Variants in SLC12A7 observed in about 807,000 individuals in gnomAD.
The protein encoded by SLC12A7 is K-Cl cotransporter 4.
In SLC12A7, 100 loss-of-function variants were observed where a neutral mutation model predicts 120.6. The ratio of observed to expected loss-of-function variants is 0.83; its 90% CI spans 0.71 to 0.98. SLC12A7 has a LOEUF of 0.98. Ranked by LOEUF, SLC12A7 falls within the 50% of genes least tolerant of loss-of-function variation. The pLI is 0.00. For missense variants in SLC12A7, 1,373 were observed against 1,548.1 expected, an observed-to-expected ratio of 0.89 and a Z score of 1.90; for synonymous variants, 760 against 678.0, an observed-to-expected ratio of 1.12 and a Z score of -1.88.
the SLC12A7 span, among the ~76,000 whole-genome samples, chr5:1,154,275 G>T: frequency 4.0e-5 from 6 of 150,858 alleles, no homozygotes; most frequent in African/African-American, 1.2e-4. Flanking sequence ...GCACTGAGCC[G>T]AATCCAACTG....
chr5:1,093,720 C>T, intron 2 of SLC12A7, 65 bp from the exon 3 acceptor site: 7 of 1,599,170 alleles, frequency 4.4e-6, no homozygotes, highest in Non-Finnish European at 5.1e-6. Flanking sequence ...ACCTCCCTCC[C>T]CGTGTTCAGG....
chr5:1,081,103 G>A (rs115927896), intron 9 of SLC12A7, among the ~76,000 whole-genome samples: 382 of 18,576 alleles, frequency 0.021, 1 homozygote, highest in African/African-American at 0.022. Flanking sequence ...GAAAAGGGTA[G>A]GGGGAGAGAG....
chr5:1,060,203 G>A, intron 21 of SLC12A7, 141 bp downstream of exon 21: 1 of 659,156 alleles, frequency 1.5e-6, no homozygotes, highest in Non-Finnish European at 2.7e-6. Flanking sequence ...ACGCAGGCTG[G>A]GGGCTGAGCC....
the SLC12A7 span, among the ~76,000 whole-genome samples, chr5:1,125,684 G>A: frequency 6.6e-6 from 1 of 152,158 alleles, no homozygotes; most frequent in African/African-American, 2.4e-5. Context: ...CAGCATTTTG[G>A]GAGGCCGAGG....
At chr5:1,057,707 C>T (rs1735774419) in intron 21 of SLC12A7, 58 bp from the exon 22 acceptor site, 23 of 1,503,746 alleles carry the variant, frequency 1.5e-5, no homozygotes, top group East Asian at 4.6e-5. Context: ...TGGGCGAGAG[C>T]GACCCGGGAT....
Position 1,111,955 on chromosome 5 carries a change from G to A in SLC12A7, c.37C>T (p.His13Tyr). 6 of 1,296,032 alleles carry A rather than the reference G, an allele frequency of 4.6e-6. No individual in the cohort carries two copies. The highest frequency in any genetic ancestry group is 5.9e-6 in the Non-Finnish European group (6 of 1,022,200). 80.3% of individuals were successfully genotyped at this position (1,296,032 alleles called of 1,614,324 possible). A position where few individuals can be genotyped will look rare whatever the true frequency, so the allele number is the denominator to read the frequency against. ...GTCTCGTCCCCGCCGCCGTCGGCGT[G>A]AGCCTCCACGGGCACCACGGTGAAG... Reference protein sequence around the residue: ...TNFTVVPVEAHADGGGDETAE... With the variant: ...TNFTVVPVEAYADGGGDETAE... The change falls in exon 1 of 24, where the codon CAC (histidine) becomes TAC (tyrosine). Residue 13 changes from histidine (H) to tyrosine (Y), a missense_variant. Coordinates refer to ENST00000264930, the MANE Select transcript of SLC12A7 (RefSeq NM_006598.3).
the SLC12A7 span, among the ~76,000 whole-genome samples, chr5:1,133,532 C>T: frequency 6.6e-6 from 1 of 152,200 alleles, no homozygotes; most frequent in Non-Finnish European, 1.5e-5. Flanking sequence ...AGGGGGACCC[C>T]ACACAGTGCT....
chr5:1,102,731 C>G (rs945179511), intron 1 of SLC12A7, among the ~76,000 whole-genome samples: 6 of 152,206 alleles, frequency 3.9e-5, no homozygotes, highest in African/African-American at 7.2e-5. Context: ...AGGCCTGGCT[C>G]TGTGTGTCCC....
At chr5:1,155,342 C>A in the SLC12A7 span, among the ~76,000 whole-genome samples, 2 of 152,308 alleles carry the variant, frequency 1.3e-5, no homozygotes, top group East Asian at 3.9e-4. Context: ...CTGCCTGGTC[C>A]CCGCCCTCCC....
Position 1,064,091 on chromosome 5 carries a change from G to T in SLC12A7, c.2599C>A (p.Gln867Lys), listed in dbSNP as rs1352571440. 19 of 1,606,806 alleles carry T rather than the reference G, an allele frequency of 1.2e-5. No homozygotes were observed. The highest frequency in any genetic ancestry group is 1.5e-5 in the Non-Finnish European group (18 of 1,176,018). Residue 867 changes from glutamine (Q) to lysine (K), a missense_variant, in exon 19 of 24, where the codon CAG (glutamine) becomes AAG (lysine). Coordinates refer to ENST00000264930, the MANE Select transcript of SLC12A7 (RefSeq NM_006598.3). The stretch of plus-strand genomic sequence containing the variant: ...CCCGTCGCACGCCCCACCTTGTGCT[G>T]GCGCAGCAGGAAGGGCAGCAGCATG... ...MLMLLPFLLR[Q>K]HKVWRKCRMR...
Position 1,067,394 on chromosome 5 carries a change from A to G in SLC12A7, c.2242-1916T>C, listed in dbSNP as rs193065424. On this transcript the variant is annotated intron_variant, in intron 17 of 23. Transcript: ENST00000264930. ...CCCGCATCGGGCGTCATGTGGGAAG[A>G]AGGCAGGAAGTGTGGCTATTTCAGC... Among the ~76,000 whole-genome samples the G allele has an allele frequency of 4.6e-3, 704 of 152,300 alleles. 6 individuals are homozygous for G. The highest frequency in any genetic ancestry group is 0.031 in the South Asian group (152 of 4,826).
In SLC12A7 at chr5:1,051,163, T is replaced by C. The variant is rs1037789239; in HGVS notation, c.*1197A>G. On this transcript the variant is annotated 3_prime_UTR_variant, in exon 24 of 24. Transcript: ENST00000264930. ...ACTCACAGCCAGCCGAAGTGCAAAG[T>C]GTTGGGCCCTTGAAAGCTATCTCTT... 3 of 385,232 alleles carry C rather than the reference T, an allele frequency of 7.8e-6. No individual in the cohort carries two copies. The highest frequency in any genetic ancestry group is 2.1e-5 in the African/African-American group (1 of 48,386). The allele number at this position is 385,232 out of a possible 1,614,324, so 23.9% of individuals were successfully genotyped here.
chr5:1,067,829 T>C lies in SLC12A7; in HGVS notation c.2242-2351A>G, dbSNP rs1737218726. Among the ~76,000 whole-genome samples, 3 of 148,264 alleles carry C rather than the reference T, an allele frequency of 2.0e-5. 1 individual carries two copies. The South Asian group carries it at 6.3e-4, about 31-fold the overall frequency. On this transcript the variant is annotated intron_variant, in intron 17 of 23. Transcript: ENST00000264930. ...ACCCTGTTATCACAAGTCAGCACCG[T>C]GTCGGGGACCCTGTTATCACAAGTC...
At chr5:1,135,021 G>A in the SLC12A7 span, among the ~76,000 whole-genome samples, 4 of 151,668 alleles carry the variant, frequency 2.6e-5, no homozygotes, top group Non-Finnish European at 5.9e-5. Context: ...CAGCTACTCG[G>A]GAGGCTGAGG....
the SLC12A7 span, among the ~76,000 whole-genome samples, chr5:1,119,737 A>C: frequency 1.3e-5 from 2 of 152,250 alleles, no homozygotes. Flanking sequence ...GGAGGGCTGC[A>C]TGTCAGGGTG....
rs559057285 is a variant in SLC12A7, at chr5:1,063,147, G to A, written c.2739+697C>T. The stretch of plus-strand genomic sequence containing the variant: ...TGCCAGGCCTCCGCCCATCAACCCC[G>A]TCCTCTCCAGGCGTGAAGGACGGGA... On this transcript the variant is annotated intron_variant, in intron 20 of 23. Transcript: ENST00000264930. 1.9e-3 allele frequency among the ~76,000 whole-genome samples: 291 copies of A among 152,278 alleles called. 1 individual carries two copies. Among genetic ancestry groups the A allele is most frequent in the African/African-American group, 5.9e-3 (245 of 41,562 alleles).
chr5:1,056,582 AG>A, intron 22 of SLC12A7: 2 of 985,450 alleles, frequency 2.0e-6, no homozygotes, highest in South Asian at 9.4e-5. Flanking sequence ...GTGGACTTAC[AG>A]GTTTCCCCAT....
the SLC12A7 span, among the ~76,000 whole-genome samples, chr5:1,124,760 A>G: frequency 2.6e-5 from 4 of 152,228 alleles, no homozygotes; most frequent in African/African-American, 9.6e-5. Flanking sequence ...CAGAACACAC[A>G]GCTAGCAAGC....
At chr5:1,151,866 G>C in the SLC12A7 span, among the ~76,000 whole-genome samples, 2 of 152,276 alleles carry the variant, frequency 1.3e-5, no homozygotes, top group South Asian at 4.1e-4. The surrounding 1 kb of genome is among the most constrained non-coding windows in gnomAD (Gnocchi z 6.2). Flanking sequence ...ATCCCTTCCG[G>C]GTCTGGGGGC....
Sources: allele counts gnomAD v4.1 joint callset (sites outside exome capture counted in the v4.1 genomes callset), GRCh38; gene constraint gnomAD v4.1.1; non-coding constraint Gnocchi (gnomAD v3.1); transcripts MANE v1.5; gene names NCBI Gene and HGNC (gene_info 2026-07-23, HGNC 2026-07-21).